The following SRRD variants were observed in gnomAD, a reference collection of about 807,000 sequenced individuals.
SRRD encodes SRR1-like protein.
A neutral mutation model predicts 30.7 loss-of-function variants in SRRD; 28 were observed. That is an observed-to-expected ratio of 0.91 (90% CI 0.68 to 1.25). The LOEUF (loss-of-function observed/expected upper bound fraction) is 1.25, where lower values mean the gene tolerates loss of function less well. Ranked by LOEUF, SRRD falls within the 50% of genes most tolerant of loss-of-function variation. SRRD has a pLI of 0.00. For synonymous variants in SRRD, 161 were observed against 159.6 expected, an observed-to-expected ratio of 1.01 and a Z score of -0.07; for missense variants, 415 against 417.3, an observed-to-expected ratio of 0.99 and a Z score of 0.05.
At position 26,488,154 on chromosome 22, in the gene SRRD, T is replaced by C; in HGVS notation, c.376T>C (p.Ser126Pro). 6.2e-7 allele frequency: 1 copy of C among 1,614,208 alleles called. No individual in the cohort carries two copies. The highest frequency in any genetic ancestry group is 8.5e-7 in the Non-Finnish European group (1 of 1,180,036). Residue 126 changes from serine (S) to proline (P), a missense_variant, in exon 3 of 7, where the codon TCT becomes CCT. Ser to Pro is a moderately conservative substitution (Grantham distance 74, BLOSUM62 -1). Transcript: ENST00000215917. Reference protein sequence around the residue: ...LPEESDVATDSIPREILVTGT... With the variant: ...LPEESDVATDPIPREILVTGT... ...AGAGGAGTCAGATGTGGCCACTGAT[T>C]CTATCCCAAGAGAGATCTTGGTCAC...
In SRRD at chr22:26,488,433, A is replaced by G. The variant is rs757189469; in HGVS notation, c.554A>G (p.Gln185Arg). 6.2e-7 allele frequency: 1 copy of G among 1,614,222 alleles called. No homozygotes were observed. Among genetic ancestry groups the G allele is most frequent in the East Asian group, 2.2e-5 (1 of 44,886 alleles). Residue 185 changes from glutamine (Q) to arginine (R), a missense_variant, in exon 4 of 7, where the codon CAA (glutamine) becomes CGA (arginine). By Grantham distance (43) the Gln-to-Arg change is conservative (BLOSUM62 1). Coordinates refer to ENST00000215917, the MANE Select transcript of SRRD (RefSeq NM_001013694.3). ...HCWVYDPLFS[Q>R]LEIEVLNTLG... ...TGGGTATATGACCCTCTGTTTAGCCAACTTGAAATTGAAGTCCTTAACACC... is the reference window on the plus strand; with the variant it reads ...TGGGTATATGACCCTCTGTTTAGCCGACTTGAAATTGAAGTCCTTAACACC...
Position 26,490,559 on chromosome 22 carries a change from C to CTTTTTTTTTTTTTTTTTTTTTT in SRRD, c.764+362_764+383dup. Among the ~76,000 whole-genome samples, 101 of 51,848 alleles carry CTTTTTTTTTTTTTTTTTTTTTT rather than the reference C, an allele frequency of 1.9e-3. 38 individuals are homozygous for CTTTTTTTTTTTTTTTTTTTTTT. The highest frequency in any genetic ancestry group is 2.5e-3 in the Non-Finnish European group (75 of 29,494). The allele number at this position is 51,848 out of a possible 152,430, so 34.0% of individuals were successfully genotyped here. On this transcript the variant is annotated intron_variant, in intron 5 of 6. Coordinates refer to ENST00000215917, the MANE Select transcript of SRRD (RefSeq NM_001013694.3). ...ATGGGCACAATTACTGGAATATTTG[C>CTTTTTTTTTTTTTTTTTTTTTT]TTTTTTTTTTTTTTTTTTTTTTGAG...
At chr22:26,484,144 A>G (rs2091634852) in intron 1 of SRRD, 45 bp downstream of exon 1, 1 of 1,507,186 alleles carries the variant, frequency 6.6e-7, no homozygotes. Context: ...GCCCATGGGC[A>G]ATTCTGAGCC....
Position 26,492,481 on chromosome 22 carries a change from G to T in SRRD, c.*809G>T. On this transcript the variant is annotated 3_prime_UTR_variant, in exon 7 of 7. Coordinates refer to ENST00000215917, the MANE Select transcript of SRRD (RefSeq NM_001013694.3). ...GCCAGAGTGCTTGTGACTCACTGAA[G>T]GGCAGCTCTGCCTCAAAGATACAAC... is the stretch of plus-strand genomic sequence containing the variant. The T allele has an allele frequency of 2.2e-6, 2 of 906,566 alleles. No individual in the cohort carries two copies. The highest frequency in any genetic ancestry group is 3.4e-6 in the Non-Finnish European group (2 of 583,738). 56.2% of individuals were successfully genotyped at this position (906,566 alleles called of 1,614,324 possible).
Position 26,483,933 on chromosome 22 carries a change from G to A in SRRD, c.43G>A (p.Ala15Thr). The change falls in exon 1 of 7, where the codon GCG (alanine) becomes ACG (threonine). Residue 15 changes from alanine to threonine, a missense_variant. Physicochemically the swap from Ala to Thr is moderately conservative, Grantham distance 58. Coordinates refer to ENST00000215917, the MANE Select transcript of SRRD (RefSeq NM_001013694.3). ...TGCGGCGCTGGAATCCTGGCAGGCG[G>A]CGGCTCCGCGGAAGAGGCGCTCCGC... ...AAAALESWQA[A>T]APRKRRSAAR... The A allele has an allele frequency of 7.4e-7, 1 of 1,351,986 alleles. No individual in the cohort carries two copies. The highest frequency in any genetic ancestry group is 9.4e-7 in the Non-Finnish European group (1 of 1,062,822). 83.7% of individuals were successfully genotyped at this position (1,351,986 alleles called of 1,614,324 possible).
In SRRD at chr22:26,484,046, G is replaced by T; in HGVS notation, c.156G>T (p.Glu52Asp). 1 of 1,377,104 alleles carries T rather than the reference G, an allele frequency of 7.3e-7. No individual in the cohort carries two copies. The highest frequency in any genetic ancestry group is 9.4e-7 in the Non-Finnish European group (1 of 1,058,734). The allele number at this position is 1,377,104 out of a possible 1,614,324, so 85.3% of individuals were successfully genotyped here. ...GAGAGGCGGCGCCCCGGGGCCCCGA[G>T]GCGGAGTTCGAGTCTGACAGCGGAG... ...RGREAAPRGP[E>D]AEFESDSGVV... is the part of the protein sequence containing the mutation. Residue 52 changes from glutamate (E) to aspartate (D), a missense_variant, in exon 1 of 7, where the codon GAG (glutamate) becomes GAT (aspartate). Glu to Asp is a conservative substitution (Grantham distance 45). Transcript: ENST00000215917.
Position 26,492,128 on chromosome 22 carries a change from TGCTTCCCTTCGTGTC to T in SRRD, c.*464_*478del. 3.1e-6 allele frequency: 5 copies of T among 1,614,130 alleles called. No homozygotes were observed. Among genetic ancestry groups the T allele is most frequent in the Non-Finnish European group, 3.4e-6 (4 of 1,180,000 alleles). On this transcript the variant is annotated 3_prime_UTR_variant, in exon 7 of 7. Coordinates refer to ENST00000215917, the MANE Select transcript of SRRD (RefSeq NM_001013694.3). ...CACAATGCGGCCAAAGGTGTAGAGC[TGCTTCCCTTCGTGTC>T]GCTTCCCAATGACGGGCATGAAGAC...
At position 26,492,429 on chromosome 22, in the gene SRRD, CTG is replaced by C. The variant is rs558034655; in HGVS notation, c.*760_*761del. On this transcript the variant is annotated 3_prime_UTR_variant, in exon 7 of 7. Transcript: ENST00000215917. The stretch of plus-strand genomic sequence containing the variant: ...GTTTCCAGGTGTATGGAAGTTGACA[CTG>C]TGGCTTGGCCCAGGTCTTGGGTGTG... 15 of 1,522,808 alleles carry C rather than the reference CTG, an allele frequency of 9.9e-6. No homozygotes were observed. The African/African-American group carries it at 1.8e-4, about 18-fold the overall frequency. The allele number at this position is 1,522,808 out of a possible 1,614,324, so 94.3% of individuals were successfully genotyped here. A position where few individuals can be genotyped will look rare whatever the true frequency, so the allele number is the denominator to read the frequency against.
At position 26,490,028 on chromosome 22, in the gene SRRD, A is replaced by T; in HGVS notation, c.610-16A>T. 3.1e-6 allele frequency: 5 copies of T among 1,613,782 alleles called. No individual in the cohort carries two copies. Among genetic ancestry groups the T allele is most frequent in the Non-Finnish European group, 4.2e-6 (5 of 1,179,776 alleles). On this transcript the variant is annotated splice_polypyrimidine_tract_variant and intron_variant, in intron 4 of 6. Transcript: ENST00000215917. ...GGTTGTGGGCATGTTTACACCTGTG[A>T]ATATCGTATCCCCAGGAAGGGAAAC...
intron 2 of SRRD, among the ~76,000 whole-genome samples, chr22:26,486,660 G>A (rs995451555): frequency 6.6e-6 from 1 of 152,160 alleles, no homozygotes; most frequent in African/African-American, 2.4e-5. Flanking sequence ...TTATAGGCAT[G>A]AGCCACCACA....
chr22:26,485,258 T>C (rs2091679486), intron 1 of SRRD, among the ~76,000 whole-genome samples: 1 of 152,200 alleles, frequency 6.6e-6, no homozygotes, highest in Non-Finnish European at 1.5e-5. Flanking sequence ...TGAGCCAGCA[T>C]TTTACACGCA....
In SRRD at chr22:26,493,285, C is replaced by T. The variant is rs1487013289; in HGVS notation, c.*1613C>T. On this transcript the variant is annotated 3_prime_UTR_variant, in exon 7 of 7. Transcript: ENST00000215917. ...TCGTGATCTACCCGCCTCGGCCTCC[C>T]AAAGTGCTAGGATTACAGGCGTGAG... is the stretch of plus-strand genomic sequence containing the variant. The T allele has an allele frequency of 2.0e-5, 3 of 152,276 alleles. No homozygotes were observed. Among genetic ancestry groups the T allele is most frequent in the Admixed American group, 1.3e-4 (2 of 15,284 alleles). 9.4% of individuals were successfully genotyped at this position (152,276 alleles called of 1,614,324 possible).
chr22:26,485,860 T>C (rs1332185220), intron 1 of SRRD, among the ~76,000 whole-genome samples, 163 bp from the exon 2 acceptor site: 1 of 152,236 alleles, frequency 6.6e-6, no homozygotes, highest in Non-Finnish European at 1.5e-5. Context: ...GCTCTGGCTC[T>C]GGACATATTC....
Position 26,485,650 on chromosome 22 carries a change from A to G in SRRD, c.210-373A>G, listed in dbSNP as rs111524847. 8.4e-3 allele frequency among the ~76,000 whole-genome samples: 1,280 copies of G among 152,280 alleles called. 8 individuals carry two copies. Among genetic ancestry groups the G allele is most frequent in the Middle Eastern group, 0.017 (5 of 294 alleles). On this transcript the variant is annotated intron_variant, in intron 1 of 6. Transcript: ENST00000215917. Reference sequence around the variant, plus strand: ...TGCCTCTAAACTCCTCCGTGTTGGGAATGATTTTTATCCCCATTTTAGAGA... The same window carrying G: ...TGCCTCTAAACTCCTCCGTGTTGGGGATGATTTTTATCCCCATTTTAGAGA...
intron 5 of SRRD, among the ~76,000 whole-genome samples, chr22:26,490,598 C>T (rs1389676860): frequency 1.3e-5 from 1 of 78,614 alleles, no homozygotes; most frequent in Non-Finnish European, 2.4e-5. Flanking sequence ...GAGTCTCACT[C>T]TGTCCCCCCG....
At chr22:26,488,567 G>C (rs996896914) in intron 4 of SRRD, 79 bp downstream of exon 4, 1 of 1,082,824 alleles carries the variant, frequency 9.2e-7, no homozygotes, top group Non-Finnish European at 1.4e-6. Flanking sequence ...GTGGACACCA[G>C]CATTCTTTGC....
Position 26,492,750 on chromosome 22 carries a change from T to A in SRRD, c.*1078T>A, listed in dbSNP as rs757528884. On this transcript the variant is annotated 3_prime_UTR_variant, in exon 7 of 7. Transcript: ENST00000215917. ...GGCAGCTTTTAGTACCTTGAAAACATAGGGCCCATACTGGCTTTATTTTTA... is the reference window on the plus strand; with the variant it reads ...GGCAGCTTTTAGTACCTTGAAAACAAAGGGCCCATACTGGCTTTATTTTTA... 1.1e-4 allele frequency: 24 copies of A among 216,124 alleles called. No individual in the cohort carries two copies. The highest frequency in any genetic ancestry group is 5.3e-4 in the African/African-American group (23 of 43,758). 13.4% of individuals were successfully genotyped at this position (216,124 alleles called of 1,614,324 possible).
chr22:26,489,883 C>G (rs1920986407), intron 4 of SRRD, among the ~76,000 whole-genome samples, 161 bp from the exon 5 acceptor site: 2 of 152,118 alleles, frequency 1.3e-5, no homozygotes, highest in African/African-American at 4.8e-5. Flanking sequence ...AGTCCTGTAA[C>G]TATAGATTTC....
At chr22:26,490,021 A>G (rs200845190) in intron 4 of SRRD, 23 bp from the exon 5 acceptor site, 5 of 1,613,568 alleles carry the variant, frequency 3.1e-6, no homozygotes, top group Non-Finnish European at 4.2e-6. Context: ...GCATGTTTAC[A>G]CCTGTGAATA....
Sources: gnomAD v4.1 joint callset for allele counts (sites outside exome capture counted in the v4.1 genomes callset) on GRCh38, gnomAD v4.1.1 for gene constraint, MANE v1.5 for transcripts, NCBI Gene and HGNC (gene_info 2026-07-23, HGNC 2026-07-21) for gene names.